Variants in DPP9 observed in about 807,000 individuals in gnomAD.
The protein encoded by DPP9 is dipeptidyl peptidase 9, also known as dipeptidyl peptidase IV-related protein-2.
A neutral mutation model predicts 110.7 loss-of-function variants in DPP9; 50 were observed. That is an observed-to-expected ratio of 0.45 (90% CI 0.36 to 0.57). The LOEUF is 0.57. DPP9 is among the 20% of genes least tolerant of loss of function. DPP9 has a pLI of 0.00. For missense variants in DPP9, 1,022 were observed against 1,217.9 expected, an observed-to-expected ratio of 0.84 and a Z score of 2.39; for synonymous variants, 561 against 514.4, an observed-to-expected ratio of 1.09 and a Z score of -1.23.
chr19:4,717,797 G>C (rs1027646934), intron 3 of DPP9: 2 of 152,282 alleles, frequency 1.3e-5, no homozygotes, highest in Admixed American at 1.3e-4. Context: ...CTTCTACCCG[G>C]GGGCACAGCC....
Position 4,704,327 on chromosome 19 carries a change from G to T in DPP9, c.427-23C>A. The T allele has an allele frequency of 6.3e-7, 1 of 1,593,658 alleles. No individual in the cohort carries two copies. Among genetic ancestry groups the T allele is most frequent in the Non-Finnish European group, 8.6e-7 (1 of 1,168,262 alleles). The stretch of plus-strand genomic sequence containing the variant: ...GGCCTGGAAACATACAGGGGACAGG[G>T]GGCAGCGTCAGTGGGCAAAGAGGAT... On this transcript the variant is annotated intron_variant, in intron 5 of 21. Transcript: ENST00000262960. This position sits in a 1 kb window ranked among gnomAD's most constrained non-coding sequence, Gnocchi z 6.0.
At position 4,702,117 on chromosome 19, in the gene DPP9, C is replaced by T. The variant is rs889208791; in HGVS notation, c.922G>A (p.Glu308Lys). 1.2e-6 allele frequency: 2 copies of T among 1,613,892 alleles called. No homozygotes were observed. The change falls in exon 9 of 22, where the codon GAA (glutamate) becomes AAA (lysine). Residue 308 changes from glutamate to lysine, a missense_variant. This residue lies in a region of DPP9 where 810 missense variants were observed against 920.6 expected (regional missense o/e 0.88). Coordinates refer to ENST00000262960, the MANE Select transcript of DPP9 (RefSeq NM_139159.5). ...GLKTLRILYE[E>K]VDESEVEVIH... is the part of the protein sequence containing the mutation. ...ACCTCCACCTCGGACTCATCGACTT[C>T]CTCATACAGGATTCGCAGCGTCTTG...
chr19:4,694,624 C>A lies in DPP9; in HGVS notation c.1516+37G>T. On this transcript the variant is annotated intron_variant, in intron 13 of 21. Coordinates refer to ENST00000262960, the MANE Select transcript of DPP9 (RefSeq NM_139159.5). This position sits in a 1 kb window ranked among gnomAD's most constrained non-coding sequence, Gnocchi z 4.0. ...AGCATATTGAACCACACGTGACTAA[C>A]GCGATGAGTCGACAGCATTCGTCAG... 1.9e-6 allele frequency: 3 copies of A among 1,593,630 alleles called. No individual in the cohort carries two copies. The highest frequency in any genetic ancestry group is 2.6e-6 in the Non-Finnish European group (3 of 1,169,294).
chr19:4,689,853 CT>C lies in DPP9; in HGVS notation c.1597-132del. 2 of 1,044,496 alleles carry C rather than the reference CT, an allele frequency of 1.9e-6. No homozygotes were observed. The highest frequency in any genetic ancestry group is 2.7e-6 in the Non-Finnish European group (2 of 747,374). 64.7% of individuals were successfully genotyped at this position (1,044,496 alleles called of 1,614,324 possible). ...GCATGCTGTCCTCGCCCAAGTCTGG[CT>C]TTAGGGCTGGAGATGAACCATCCCT... is the stretch of plus-strand genomic sequence containing the variant. On this transcript the variant is annotated intron_variant, in intron 14 of 21. Transcript: ENST00000262960. This position sits in a 1 kb window ranked among gnomAD's most constrained non-coding sequence, Gnocchi z 7.0.
intron 16 of DPP9, 26 bp downstream of exon 16, chr19:4,688,731 C>T (rs750895395): frequency 9.2e-6 from 13 of 1,410,570 alleles, no homozygotes; most frequent in Non-Finnish European, 8.3e-6. Context: ...CGGAGGCCTC[C>T]GTGGGGCGGG....
rs886123974 is a variant in DPP9, at chr19:4,688,741, G to A, written c.1885+16C>T. The A allele has an allele frequency of 2.8e-6, 4 of 1,426,384 alleles. No homozygotes were observed. Among genetic ancestry groups the A allele is most frequent in the African/African-American group, 1.5e-5 (1 of 67,072 alleles). The allele number at this position is 1,426,384 out of a possible 1,614,324, so 88.4% of individuals were successfully genotyped here. ...GCGGGCGGAGGCCTCCGTGGGGCGG[G>A]GCAGGGGCTACTCACTGGCTGCCTC... On this transcript the variant is annotated intron_variant, in intron 16 of 21. Coordinates refer to ENST00000262960, the MANE Select transcript of DPP9 (RefSeq NM_139159.5).
In DPP9 at chr19:4,684,695, G is replaced by T. The variant is rs2090425341; in HGVS notation, c.2146C>A (p.Leu716Ile). 1 of 1,612,532 alleles carries T rather than the reference G, an allele frequency of 6.2e-7. No homozygotes were observed. The highest frequency in any genetic ancestry group is 1.7e-5 in the Admixed American group (1 of 59,836). ...TTTTTCAGGGCCCCTTCGAACCGAAGCCCTCGCTGACAGGAGCCCCTGCCG... is the reference window on the plus strand; with the variant it reads ...TTTTTCAGGGCCCCTTCGAACCGAATCCCTCGCTGACAGGAGCCCCTGCCG... ...IDGRGSCQRG[L>I]RFEGALKNQM... Residue 716 changes from leucine to isoleucine, a missense_variant, in exon 18 of 22, where the codon CTT becomes ATT. Coordinates refer to ENST00000262960, the MANE Select transcript of DPP9 (RefSeq NM_139159.5). The surrounding 1 kb of genome is among the most constrained non-coding windows in gnomAD (Gnocchi z 4.8).
In DPP9 at chr19:4,689,764, C is replaced by T; in HGVS notation, c.1597-42G>A. On this transcript the variant is annotated intron_variant, in intron 14 of 21. Transcript: ENST00000262960. The surrounding 1 kb of genome is among the most constrained non-coding windows in gnomAD (Gnocchi z 7.0). ...GATCCTCGTGATGCGTCCCAGATGCCCCTGGGCCCACACCCCTCTCCACGC... is the reference window on the plus strand; with the variant it reads ...GATCCTCGTGATGCGTCCCAGATGCTCCTGGGCCCACACCCCTCTCCACGC... The T allele has an allele frequency of 1.3e-6, 2 of 1,520,986 alleles. No individual in the cohort carries two copies. The highest frequency in any genetic ancestry group is 1.8e-6 in the Non-Finnish European group (2 of 1,128,100). The allele number at this position is 1,520,986 out of a possible 1,614,324, so 94.2% of individuals were successfully genotyped here. A position where few individuals can be genotyped will look rare whatever the true frequency, so the allele number is the denominator to read the frequency against.
Position 4,694,413 on chromosome 19 carries a change from G to A in DPP9, c.1516+248C>T, listed in dbSNP as rs1223545040. 3.6e-6 allele frequency: 2 copies of A among 555,980 alleles called. No homozygotes were observed. The highest frequency in any genetic ancestry group is 3.0e-5 in the East Asian group (1 of 33,764). 34.4% of individuals were successfully genotyped at this position (555,980 alleles called of 1,614,324 possible). A position where few individuals can be genotyped will look rare whatever the true frequency, so the allele number is the denominator to read the frequency against. Reference sequence around the variant, plus strand: ...TGTGGGCCGTAGGTGGCCAACCCCTGGTTGTGCTAAGGGCCTGGCACAGGG... The same window carrying A: ...TGTGGGCCGTAGGTGGCCAACCCCTAGTTGTGCTAAGGGCCTGGCACAGGG... On this transcript the variant is annotated intron_variant, in intron 13 of 21. Transcript: ENST00000262960. The surrounding 1 kb of genome is among the most constrained non-coding windows in gnomAD (Gnocchi z 4.0).
At chr19:4,691,671 T>C in intron 13 of DPP9, among the ~76,000 whole-genome samples, 1 of 90,080 alleles carries the variant, frequency 1.1e-5, no homozygotes, top group East Asian at 3.1e-4. Context: ...AAAACCAGAC[T>C]TTTTTTTTTT....
chr19:4,706,446 T>C, intron 4 of DPP9, among the ~76,000 whole-genome samples: 1 of 151,906 alleles, frequency 6.6e-6, no homozygotes, highest in East Asian at 1.9e-4. Flanking sequence ...TGGGTTCGGC[T>C]CTCCAAGGCC....
intron 4 of DPP9, among the ~76,000 whole-genome samples, chr19:4,712,238 G>A (rs927462307): frequency 6.6e-6 from 1 of 152,162 alleles, no homozygotes; most frequent in Non-Finnish European, 1.5e-5. Flanking sequence ...CCAGACTAGA[G>A]TTGGCCAGCA....
Position 4,682,102 on chromosome 19 carries a change from C to A in DPP9, c.2474+594G>T, listed in dbSNP as rs1455331177. Among the ~76,000 whole-genome samples, 3 of 152,098 alleles carry A rather than the reference C, an allele frequency of 2.0e-5. No homozygotes were observed. Among genetic ancestry groups the A allele is most frequent in the Non-Finnish European group, 2.9e-5 (2 of 68,020 alleles). ...TGACCTCACGATCCGCCCGCCTCAG[C>A]CTCCCAGAGTGCTGGGATTACAGGA... On this transcript the variant is annotated intron_variant, in intron 20 of 21. Coordinates refer to ENST00000262960, the MANE Select transcript of DPP9 (RefSeq NM_139159.5). The surrounding 1 kb of genome is among the most constrained non-coding windows in gnomAD (Gnocchi z 7.1).
At chr19:4,708,424 C>T (rs559162797) in intron 4 of DPP9, among the ~76,000 whole-genome samples, 1 of 152,368 alleles carries the variant, frequency 6.6e-6, no homozygotes, top group Admixed American at 6.5e-5. Flanking sequence ...GTTCAGGGCA[C>T]TCCCTTGTGG....
At chr19:4,702,867 G>GGAGAGGGAGGGAGAGGGAGT in intron 7 of DPP9, among the ~76,000 whole-genome samples, 151 bp from the exon 8 acceptor site, 1 of 147,794 alleles carries the variant, frequency 6.8e-6, no homozygotes, top group African/African-American at 2.5e-5. Context: ...GGAGAGGGAG[G>GGAGAGGGAGGGAGAGGGAGT]GAGAGCTCGG....
In DPP9 at chr19:4,684,087, C is replaced by G; in HGVS notation, c.2179-458G>C. ...TCCCCTCTGAAGTCCGTGCTGAGATCACTACTGCGGCCTTCAAGCGACTGA... is the reference window on the plus strand; with the variant it reads ...TCCCCTCTGAAGTCCGTGCTGAGATGACTACTGCGGCCTTCAAGCGACTGA... On this transcript the variant is annotated intron_variant, in intron 18 of 21. Transcript: ENST00000262960. This position sits in a 1 kb window ranked among gnomAD's most constrained non-coding sequence, Gnocchi z 4.8. 1 of 350,092 alleles carries G rather than the reference C, an allele frequency of 2.9e-6. No individual in the cohort carries two copies. Among genetic ancestry groups the G allele is most frequent in the South Asian group, 2.2e-5 (1 of 44,726 alleles). 21.7% of individuals were successfully genotyped at this position (350,092 alleles called of 1,614,324 possible). A position where few individuals can be genotyped will look rare whatever the true frequency, so the allele number is the denominator to read the frequency against.
chr19:4,683,046 G>A, intron 19 of DPP9: 3 of 1,511,900 alleles, frequency 2.0e-6, no homozygotes, highest in Non-Finnish European at 2.6e-6. Flanking sequence ...CCACAGGCGG[G>A]CAGGTGCGGC....
At chr19:4,678,564 C>A (rs1220607958) in intron 21 of DPP9, among the ~76,000 whole-genome samples, 2 of 152,134 alleles carry the variant, frequency 1.3e-5, no homozygotes, top group African/African-American at 4.8e-5. Flanking sequence ...GGGTCTCAGG[C>A]TGGGAAGAGA....
chr19:4,681,650 C>T (rs1166818050), intron 20 of DPP9, among the ~76,000 whole-genome samples: 1 of 151,940 alleles, frequency 6.6e-6, no homozygotes, highest in Non-Finnish European at 1.5e-5. Context: ...CTACCAACTC[C>T]ACCTCCTGGG....
Sources: gnomAD v4.1 joint callset for allele counts (sites outside exome capture counted in the v4.1 genomes callset) on GRCh38, gnomAD v4.1.1 for gene constraint, gnomAD v4.1.1 regional missense constraint, Gnocchi (gnomAD v3.1) non-coding constraint, MANE v1.5 for transcripts, NCBI Gene and HGNC (gene_info 2026-07-23, HGNC 2026-07-21) for gene names.